The following POF1B variants were observed in gnomAD, a reference collection of about 807,000 sequenced individuals.
The protein encoded by POF1B is protein POF1B.
In POF1B, 53 loss-of-function variants were observed where a neutral mutation model predicts 55.3. The ratio of observed to expected loss-of-function variants is 0.96; its 90% CI spans 0.77 to 1.20. The LOEUF is 1.20. POF1B is among the 50% of genes most tolerant of loss of function. The probability of loss-of-function intolerance (pLI) is 0.00; values close to 1 mark genes in which losing one functional copy is unlikely to be tolerated. For missense variants in POF1B, 478 were observed against 420.5 expected (o/e 1.14, Z -1.20); for synonymous variants, 188 against 148.3 (o/e 1.27, Z -1.95).
At chrX:85,379,550 C>G in intron 1 of POF1B, 55 bp from the exon 2 acceptor site, 1 of 946,661 alleles carries the variant, frequency 1.1e-6, no homozygotes, top group Non-Finnish European at 1.4e-6. Flanking sequence ...AGCAGGCAGT[C>G]AGGCAGGCAG....
intron 14 of POF1B, 137 bp from the exon 15 acceptor site, chrX:85,303,625 A>G (rs1390086535): frequency 6.2e-5 from 27 of 435,468 alleles, no homozygotes; most frequent in Non-Finnish European, 1.1e-4. Flanking sequence ...TGACGTAATA[A>G]TGTTCTAATC....
intron 15 of POF1B, among the ~76,000 whole-genome samples, chrX:85,299,390 G>A (rs1159035485): frequency 1.9e-5 from 2 of 104,579 alleles, no homozygotes; most frequent in Admixed American, 1.0e-4. Context: ...CCGGGTTCAC[G>A]CCATTCTCCT....
chrX:85,355,460 C>G (rs1234140809), intron 4 of POF1B, among the ~76,000 whole-genome samples: 5 of 111,280 alleles, frequency 4.5e-5, no homozygotes, highest in African/African-American at 1.6e-4. Context: ...TGACAAATGG[C>G]ATCTAATTAA....
Position 85,330,980 on chromosome X carries a change from A to G in POF1B, c.823T>C (p.Leu275=), listed in dbSNP as rs777674050. The G allele has an allele frequency of 8.3e-7, 1 of 1,198,724 alleles. No individual in the cohort carries two copies. The highest frequency in any genetic ancestry group is 1.9e-5 in the South Asian group (1 of 53,875). ...SRKNTDLYHC[L]LEHLQRIGGS... ...CCAATTCTCTGCAAATGTTCTAATAAGCAGTGATATAGATCCGTATTCTTA... is the reference window on the plus strand; with the variant it reads ...CCAATTCTCTGCAAATGTTCTAATAGGCAGTGATATAGATCCGTATTCTTA... Residue 275 remains leucine (L), a synonymous_variant, in exon 7 of 17, where the codon TTA becomes CTA. Coordinates refer to ENST00000262753, the MANE Select transcript of POF1B (RefSeq NM_024921.4).
chrX:85,351,404 G>T lies in POF1B; in HGVS notation c.486C>A (p.Asn162Lys), dbSNP rs778926697. 3 of 1,198,691 alleles carry T rather than the reference G, an allele frequency of 2.5e-6. No homozygotes were observed. The Admixed American group carries it at 6.7e-5, about 27-fold the overall frequency. ...TTATTGTTTTTTCATAAATAACATT[G>T]TTTCCTGGGAAGAAATGGCTTCCTC... is the stretch of plus-strand genomic sequence containing the variant. The part of the protein sequence containing the change: ...FLRGSHFFPG[N>K]NVIYEKTIRK... The change falls in exon 5 of 17, where the codon AAC (asparagine) becomes AAA (lysine). Residue 162 changes from asparagine to lysine, a missense_variant. Asn to Lys is a moderately conservative substitution (Grantham distance 94). Transcript: ENST00000262753.
At chrX:85,315,029 A>G (rs927372038) in intron 8 of POF1B, among the ~76,000 whole-genome samples, 1 of 111,601 alleles carries the variant, frequency 9.0e-6, no homozygotes, top group African/African-American at 3.2e-5. Flanking sequence ...AGCTTCAACT[A>G]ATTTTAAGTG....
chrX:85,306,372 T>C (rs1382040441), intron 11 of POF1B, 39 bp from the exon 12 acceptor site: 1 of 1,158,389 alleles, frequency 8.6e-7, no homozygotes, highest in East Asian at 3.0e-5. Context: ...AAATGCATTT[T>C]GTTTTTGGTG....
intron 15 of POF1B, among the ~76,000 whole-genome samples, chrX:85,285,094 A>G (rs1387729419): frequency 2.7e-5 from 3 of 111,978 alleles, no homozygotes; most frequent in African/African-American, 9.8e-5. Flanking sequence ...AATGCAAATT[A>G]AAACCACAGT....
intron 13 of POF1B, 97 bp downstream of exon 13, chrX:85,305,692 CAG>C: frequency 1.1e-6 from 1 of 944,636 alleles, no homozygotes; most frequent in South Asian, 2.9e-5. Context: ...ACTCTACCTT[CAG>C]CTAATTTTTT....
intron 13 of POF1B, among the ~76,000 whole-genome samples, chrX:85,305,302 A>T (rs1241552225): frequency 9.0e-6 from 1 of 111,050 alleles, no homozygotes; most frequent in Non-Finnish European, 1.9e-5. Context: ...GGCAATATAT[A>T]CTTATAAATA....
chrX:85,367,649 A>T, intron 3 of POF1B, 43 bp downstream of exon 3: 1 of 1,003,073 alleles, frequency 1.0e-6, no homozygotes, highest in Non-Finnish European at 1.4e-6. Context: ...ACTTCCATAT[A>T]AAAAAGAGGA....
intron 6 of POF1B, among the ~76,000 whole-genome samples, chrX:85,331,441 A>G (rs1429761298): frequency 1.8e-5 from 2 of 111,474 alleles, no homozygotes; most frequent in Admixed American, 9.6e-5. Flanking sequence ...ATTAATTTTT[A>G]AAATTAAAAA....
chrX:85,280,837 A>G (rs1931880007), intron 16 of POF1B, among the ~76,000 whole-genome samples: 1 of 110,985 alleles, frequency 9.0e-6, no homozygotes, highest in African/African-American at 3.3e-5. Flanking sequence ...AATTAGGAAA[A>G]AAACCCAAGA....
At chrX:85,356,854 A>G (rs1933511519) in intron 4 of POF1B, among the ~76,000 whole-genome samples, 1 of 111,068 alleles carries the variant, frequency 9.0e-6, no homozygotes, top group Admixed American at 9.6e-5. Context: ...TAATTCTCAC[A>G]TCTAACAAAG....
chrX:85,291,156 A>C (rs775981408), intron 15 of POF1B, among the ~76,000 whole-genome samples: 1 of 112,064 alleles, frequency 8.9e-6, no homozygotes, highest in East Asian at 2.8e-4. Flanking sequence ...ACATATGGCT[A>C]GGCAGTTATC....
At chrX:85,316,392 C>T (rs1041153547) in intron 7 of POF1B, among the ~76,000 whole-genome samples, 2 of 110,894 alleles carry the variant, frequency 1.8e-5, no homozygotes, top group East Asian at 5.7e-4. Flanking sequence ...TTTGTGGAGC[C>T]GTGATAGGTA....
chrX:85,351,558 C>A (rs767324112), intron 4 of POF1B, 107 bp from the exon 5 acceptor site: 1 of 501,560 alleles, frequency 2.0e-6, no homozygotes, highest in Non-Finnish European at 3.3e-6. Flanking sequence ...TACTGGCTGA[C>A]CTTAGGAAGA....
At position 85,360,527 on chromosome X, in the gene POF1B, G is replaced by GTGTATA. The variant is rs1555988251; in HGVS notation, c.358-898_358-897insTATACA. 1.9e-4 allele frequency among the ~76,000 whole-genome samples: 11 copies of GTGTATA among 58,524 alleles called. No homozygotes were observed. In the South Asian group the frequency reaches 2.8e-3, roughly 15 times the overall value. The allele number at this position is 58,524 out of a possible 115,157, so 50.8% of individuals were successfully genotyped here. ...ATGGCTGCCTAGTATTCCATGGTAT[G>GTGTATA]TATATATATATATATATATATATAT... On this transcript the variant is annotated intron_variant, in intron 3 of 16. Coordinates refer to ENST00000262753, the MANE Select transcript of POF1B (RefSeq NM_024921.4).
intron 7 of POF1B, 118 bp from the exon 8 acceptor site, chrX:85,315,852 A>G (rs994895601): frequency 3.7e-6 from 2 of 537,233 alleles, no homozygotes; most frequent in Non-Finnish European, 5.5e-6. Context: ...GACTTATTCA[A>G]TTTATAAGCA....
Sources: gnomAD v4.1 joint callset for allele counts (sites outside exome capture counted in the v4.1 genomes callset) on GRCh38, gnomAD v4.1.1 for gene constraint, MANE v1.5 for transcripts, NCBI Gene and HGNC (gene_info 2026-07-23, HGNC 2026-07-21) for gene names.